The following VAV3 variants were observed in gnomAD, a reference collection of about 807,000 sequenced individuals.
VAV3 encodes guanine nucleotide exchange factor VAV3.
In VAV3, 94 loss-of-function variants were observed where a neutral mutation model predicts 131.2. That is an observed-to-expected ratio of 0.72 (90% CI 0.61 to 0.85). The LOEUF is 0.85. Ranked by LOEUF, VAV3 falls within the 40% of genes least tolerant of loss-of-function variation. The pLI is 0.00. For missense variants in VAV3, 939 were observed against 1,002.7 expected, an observed-to-expected ratio of 0.94 and a Z score of 0.86; for synonymous variants, 349 against 342.0, an observed-to-expected ratio of 1.02 and a Z score of -0.22.
intron 2 of VAV3, among the ~76,000 whole-genome samples, chr1:107,779,928 A>G (rs1184782012): frequency 6.6e-6 from 1 of 152,214 alleles, no homozygotes; most frequent in Non-Finnish European, 1.5e-5. Context: ...TGCACTAGCC[A>G]CATTTTAAGT....
chr1:107,805,060 T>G (rs552179520), intron 2 of VAV3, among the ~76,000 whole-genome samples: 1 of 152,238 alleles, frequency 6.6e-6, no homozygotes, highest in South Asian at 2.1e-4. Context: ...TTATATGTTA[T>G]TTGCTTCTTT....
intron 19 of VAV3, among the ~76,000 whole-genome samples, chr1:107,677,163 C>T (rs1303088256): frequency 6.6e-6 from 1 of 152,114 alleles, no homozygotes; most frequent in African/African-American, 2.4e-5. Flanking sequence ...CCACAAATAG[C>T]ACTCCAGGGT....
chr1:107,924,048 T>C (rs1242453690), intron 1 of VAV3, among the ~76,000 whole-genome samples: 3 of 152,156 alleles, frequency 2.0e-5, no homozygotes, highest in Admixed American at 6.5e-5. Context: ...ACCAAAACAG[T>C]ACTGTTTTGG....
At chr1:107,767,433 G>C (rs1363403840) in intron 7 of VAV3, among the ~76,000 whole-genome samples, 4 of 152,160 alleles carry the variant, frequency 2.6e-5, no homozygotes, top group Non-Finnish European at 5.9e-5. Flanking sequence ...TGGGCTCTAA[G>C]TTATAAAGAC....
At chr1:107,632,210 A>C (rs1461884579) in intron 20 of VAV3, among the ~76,000 whole-genome samples, 1 of 152,186 alleles carries the variant, frequency 6.6e-6, no homozygotes, top group Non-Finnish European at 1.5e-5. Context: ...AGATAATCAA[A>C]TCAATGGCTC....
chr1:107,589,017 A>G (rs1650728455), intron 25 of VAV3, among the ~76,000 whole-genome samples: 1 of 152,054 alleles, frequency 6.6e-6, no homozygotes, highest in African/African-American at 2.4e-5. Flanking sequence ...TTTTTGTATT[A>G]AAGTAGTGTT....
chr1:107,637,865 T>C, intron 20 of VAV3, among the ~76,000 whole-genome samples: 1 of 152,292 alleles, frequency 6.6e-6, no homozygotes, highest in Non-Finnish European at 1.5e-5. Flanking sequence ...ATAAAAAAGA[T>C]AATATATAAT....
At chr1:107,937,075 A>C (rs1282365828) in intron 1 of VAV3, among the ~76,000 whole-genome samples, 1 of 152,160 alleles carries the variant, frequency 6.6e-6, no homozygotes, top group Non-Finnish European at 1.5e-5. Context: ...CAGTCTAAAC[A>C]TAACACCCTC....
At chr1:107,578,787 C>A in intron 25 of VAV3, 1 of 985,060 alleles carries the variant, frequency 1.0e-6, no homozygotes, top group Non-Finnish European at 1.2e-6. Context: ...CTCTCTGGGA[C>A]TATTTTATCC....
chr1:107,680,467 T>C (rs1372573553), intron 19 of VAV3, among the ~76,000 whole-genome samples: 2 of 152,306 alleles, frequency 1.3e-5, no homozygotes, highest in South Asian at 2.1e-4. Flanking sequence ...TTAGTTGATA[T>C]AGTAATTGCT....
At chr1:107,582,227 CA>C (rs1449856806) in intron 25 of VAV3, among the ~76,000 whole-genome samples, 6 of 152,118 alleles carry the variant, frequency 3.9e-5, no homozygotes, top group Non-Finnish European at 8.8e-5. Flanking sequence ...CACCAGAGAA[CA>C]TGCTGAGAAT....
intron 19 of VAV3, among the ~76,000 whole-genome samples, chr1:107,650,806 C>T (rs904218247): frequency 2.7e-5 from 4 of 147,874 alleles, no homozygotes; most frequent in Non-Finnish European, 3.0e-5. Flanking sequence ...TGAGAACATG[C>T]GGTGTTTGGT....
At chr1:107,875,150 C>T (rs1364508646) in intron 1 of VAV3, 133 bp from the exon 2 acceptor site, 3 of 759,226 alleles carry the variant, frequency 4.0e-6, no homozygotes, top group Non-Finnish European at 6.7e-6. Context: ...TTCAATTACT[C>T]ATTCAGCAGT....
chr1:107,875,170 G>A (rs976672339), intron 1 of VAV3, among the ~76,000 whole-genome samples, 153 bp from the exon 2 acceptor site: 2 of 152,172 alleles, frequency 1.3e-5, no homozygotes, highest in Non-Finnish European at 2.9e-5. Context: ...TACTGACCGA[G>A]CCTGCAGTCT....
At chr1:107,685,684 G>A (rs1467951388) in intron 18 of VAV3, 2 of 152,130 alleles carry the variant, frequency 1.3e-5, no homozygotes, top group Non-Finnish European at 2.9e-5. Context: ...TGCATTTGGA[G>A]AGGCTAAGAT....
At chr1:107,779,328 G>T in intron 3 of VAV3, 106 bp downstream of exon 3, 1 of 963,598 alleles carries the variant, frequency 1.0e-6, no homozygotes, top group Non-Finnish European at 1.5e-6. Flanking sequence ...CTTCATGAAT[G>T]AGACATAGTA....
intron 1 of VAV3, among the ~76,000 whole-genome samples, chr1:107,924,663 A>C (rs1290148337): frequency 1.3e-5 from 2 of 152,236 alleles, no homozygotes; most frequent in Admixed American, 1.3e-4. Context: ...GATTTAACTG[A>C]CAGTAGCTAA....
At chr1:107,677,842 C>T (rs1570737234) in intron 19 of VAV3, 1 of 152,192 alleles carries the variant, frequency 6.6e-6, no homozygotes, top group Admixed American at 6.6e-5. Flanking sequence ...CTGAAGGTGC[C>T]TGACCAGTAT....
intron 15 of VAV3, among the ~76,000 whole-genome samples, chr1:107,730,489 C>T (rs143302215): frequency 9.7e-4 from 147 of 152,154 alleles, no homozygotes; most frequent in African/African-American, 3.3e-3. Context: ...AAAATCAAAC[C>T]GTTGCATTAA....
Sources: gnomAD v4.1 joint callset for allele counts (sites outside exome capture counted in the v4.1 genomes callset) on GRCh38, gnomAD v4.1.1 for gene constraint, MANE v1.5 for transcripts, NCBI Gene and HGNC (gene_info 2026-07-23, HGNC 2026-07-21) for gene names.